The following GFRA2 variants were observed in gnomAD, a reference collection of about 807,000 sequenced individuals.
GFRA2 encodes the protein GDNF family receptor alpha 2.
In GFRA2, 17 loss-of-function variants were observed where a neutral mutation model predicts 48.3. That is an observed-to-expected ratio of 0.35 (90% CI 0.24 to 0.53). GFRA2 has a LOEUF of 0.53. Ranked by LOEUF, GFRA2 falls within the 20% of genes least tolerant of loss-of-function variation. The probability of loss-of-function intolerance (pLI) is 0.93; values close to 1 mark genes in which losing one functional copy is unlikely to be tolerated. For missense variants in GFRA2, 660 were observed against 637.3 expected (o/e 1.04, Z -0.38); for synonymous variants, 305 against 257.2 (o/e 1.19, Z -1.78).
chr8:21,694,539 T>G, intron 7 of GFRA2, 22 bp from the exon 8 acceptor site: 2 of 1,602,702 alleles, frequency 1.2e-6, no homozygotes, highest in Non-Finnish European at 1.7e-6. Context: ...AAGGTGCCAG[T>G]CAGGACGAGT....
intron 2 of GFRA2, among the ~76,000 whole-genome samples, chr8:21,802,886 A>T (rs1244543568): frequency 6.6e-6 from 1 of 152,242 alleles, no homozygotes; most frequent in Non-Finnish European, 1.5e-5. Flanking sequence ...CCATATACAT[A>T]GTTGTTCTAG....
chr8:21,707,524 A>G (rs1349979769), intron 4 of GFRA2, among the ~76,000 whole-genome samples: 1 of 152,108 alleles, frequency 6.6e-6, no homozygotes, highest in Non-Finnish European at 1.5e-5. Context: ...GGCCCCCGCG[A>G]TCCTGAGGGA....
chr8:21,704,962 T>C, intron 6 of GFRA2, 23 bp downstream of exon 6: 4 of 1,582,934 alleles, frequency 2.5e-6, no homozygotes, highest in Non-Finnish European at 3.4e-6. Flanking sequence ...CTGCTGGGGT[T>C]GGGGAGAACA....
chr8:21,745,104 C>T (rs1225597007), intron 4 of GFRA2, among the ~76,000 whole-genome samples: 2 of 152,248 alleles, frequency 1.3e-5, no homozygotes, highest in East Asian at 3.8e-4. Flanking sequence ...TCGCTGGTGA[C>T]ATTTAATAAG....
At position 21,758,189 on chromosome 8, in the gene GFRA2, G is replaced by T. The variant is rs887300460; in HGVS notation, c.440-7247C>A. ...CAAAGCTTAGGGGAGGAGCAGGGCT[G>T]CCCTTGGCCCACTCCCCACACACAC... On this transcript the variant is annotated intron_variant, in intron 3 of 8. Transcript: ENST00000524240. Among the ~76,000 whole-genome samples the T allele has an allele frequency of 5.5e-4, 77 of 139,600 alleles. 1 individual carries two copies. Among genetic ancestry groups the T allele is most frequent in the South Asian group, 2.3e-3 (10 of 4,360 alleles). The allele number at this position is 139,600 out of a possible 152,430, so 91.6% of individuals were successfully genotyped here. A position where few individuals can be genotyped will look rare whatever the true frequency, so the allele number is the denominator to read the frequency against.
chr8:21,759,474 GAA>G (rs1805776586), intron 3 of GFRA2, among the ~76,000 whole-genome samples: 1 of 122,160 alleles, frequency 8.2e-6, no homozygotes, highest in Non-Finnish European at 1.7e-5. Flanking sequence ...GGGAGGGAGG[GAA>G]AGAAGGAAAG....
intron 2 of GFRA2, among the ~76,000 whole-genome samples, chr8:21,776,748 G>C (rs1322708981): frequency 6.6e-6 from 1 of 152,128 alleles, no homozygotes; most frequent in African/African-American, 2.4e-5. Flanking sequence ...TGGGATTACA[G>C]GAGTGAGCCA....
chr8:21,696,524 G>A (rs1276497436), intron 7 of GFRA2, among the ~76,000 whole-genome samples: 2 of 152,168 alleles, frequency 1.3e-5, no homozygotes, highest in African/African-American at 4.8e-5. Context: ...CACTCTCAGG[G>A]GAGCCCCGGA....
At chr8:21,800,072 C>A (rs1807744452) in intron 2 of GFRA2, among the ~76,000 whole-genome samples, 1 of 152,188 alleles carries the variant, frequency 6.6e-6, no homozygotes, top group Non-Finnish European at 1.5e-5. Flanking sequence ...TCCTTTCAGC[C>A]AGCTGCCACC....
chr8:21,767,602 G>C (rs1806238239), intron 3 of GFRA2, among the ~76,000 whole-genome samples: 2 of 152,250 alleles, frequency 1.3e-5, no homozygotes, highest in Non-Finnish European at 2.9e-5. Context: ...GAGCAGCACA[G>C]AGCAGGGGCG....
chr8:21,788,338 G>T lies in GFRA2; in HGVS notation c.-179C>A. ...CTGCGATTCTCGCCTCTGGCTGGAGGGGGTGGGGTGAGAGGCGGGCGATGG... is the reference window on the plus strand; with the variant it reads ...CTGCGATTCTCGCCTCTGGCTGGAGTGGGTGGGGTGAGAGGCGGGCGATGG... On this transcript the variant is annotated 5_prime_UTR_variant, in exon 1 of 9. Transcript: ENST00000524240. 2 of 1,368,248 alleles carry T rather than the reference G, an allele frequency of 1.5e-6. No individual in the cohort carries two copies. The highest frequency in any genetic ancestry group is 1.8e-5 in the South Asian group (1 of 55,402). 84.8% of individuals were successfully genotyped at this position (1,368,248 alleles called of 1,614,324 possible).
intron 7 of GFRA2, among the ~76,000 whole-genome samples, chr8:21,701,220 C>A (rs550010032): frequency 1.4e-3 from 216 of 152,308 alleles, no homozygotes; most frequent in African/African-American, 5.0e-3. Flanking sequence ...CGGTGAAACC[C>A]CGTCTCTACT....
intron 1 of GFRA2, among the ~76,000 whole-genome samples, chr8:21,808,171 G>A (rs972302070): frequency 6.6e-6 from 1 of 152,126 alleles, no homozygotes; most frequent in African/African-American, 2.4e-5. Context: ...CATTTTCTCT[G>A]GGGGAAGGGC....
chr8:21,743,758 A>C (rs375624466), intron 4 of GFRA2, among the ~76,000 whole-genome samples: 147 of 152,314 alleles, frequency 9.7e-4, no homozygotes, highest in African/African-American at 3.4e-3. Flanking sequence ...TGTGGCAGGC[A>C]TCGCTAATCA....
chr8:21,769,289 C>G (rs1265906747), intron 3 of GFRA2: 1 of 304,908 alleles, frequency 3.3e-6, no homozygotes, highest in African/African-American at 2.4e-5. Context: ...TGATCGATTC[C>G]TGCACACCAC....
intron 5 of GFRA2, among the ~76,000 whole-genome samples, chr8:21,705,467 A>T (rs751986624): frequency 6.6e-6 from 1 of 152,188 alleles, no homozygotes; most frequent in South Asian, 2.1e-4. Context: ...AATGAGGCTC[A>T]CATCCTGGGA....
chr8:21,771,161 C>T (rs1164013535), intron 3 of GFRA2, among the ~76,000 whole-genome samples: 1 of 152,180 alleles, frequency 6.6e-6, no homozygotes, highest in Non-Finnish European at 1.5e-5. Context: ...ATCTTACACA[C>T]ATAGGCACCA....
At chr8:21,742,830 C>T (rs1471676382) in intron 4 of GFRA2, among the ~76,000 whole-genome samples, 1 of 152,118 alleles carries the variant, frequency 6.6e-6, no homozygotes, top group Non-Finnish European at 1.5e-5. Flanking sequence ...GAGCCTTAGC[C>T]AAACAGGATC....
At chr8:21,792,968 G>A (rs1157119035), upstream of GFRA2, among the ~76,000 whole-genome samples, 4 of 152,232 alleles carry the variant, frequency 2.6e-5, no homozygotes, top group Admixed American at 6.5e-5. Flanking sequence ...TCGAGTGCCT[G>A]AGGCAGGAGA....
Sources: gnomAD v4.1 joint callset for allele counts (sites outside exome capture counted in the v4.1 genomes callset) on GRCh38, gnomAD v4.1.1 for gene constraint, MANE v1.5 for transcripts, NCBI Gene and HGNC (gene_info 2026-07-23, HGNC 2026-07-21) for gene names.